FGD5: variants seen among roughly 807,000 people sequenced by gnomAD.
The protein encoded by FGD5 is FYVE, RhoGEF and PH domain containing 5, also known as FYVE, RhoGEF and PH domain-containing protein 5.
A neutral mutation model predicts 133.4 loss-of-function variants in FGD5; 28 were observed. The ratio of observed to expected loss-of-function variants is 0.21; its 90% CI spans 0.16 to 0.29. The LOEUF (loss-of-function observed/expected upper bound fraction) is 0.29, where lower values mean the gene tolerates loss of function less well. FGD5 is among the 10% of genes least tolerant of loss of function. FGD5 has a pLI of 1.00. For missense variants in FGD5, 1,858 were observed against 1,895.2 expected, an observed-to-expected ratio of 0.98 and a Z score of 0.36; for synonymous variants, 810 against 776.5, an observed-to-expected ratio of 1.04 and a Z score of -0.72.
rs1157563728 is a variant in FGD5, at chr3:14,926,679, TA to T, written c.4197+482del. ...CTATATTTTATAGAATATCTTACTT[TA>T]GGTGAGAGAGCCTTGGAAATCAAGC... On this transcript the variant is annotated intron_variant, in intron 18 of 19. Transcript: ENST00000285046. Among the ~76,000 whole-genome samples, 10 of 152,360 alleles carry T rather than the reference TA, an allele frequency of 6.6e-5. No homozygotes were observed. In the South Asian group the frequency reaches 1.9e-3, roughly 28 times the overall value.
chr3:14,820,979 C>G lies in FGD5; in HGVS notation c.1908C>G (p.Leu636=). Residue 636 remains leucine (L), a synonymous_variant, in exon 1 of 20, where the codon CTC becomes CTG. Coordinates refer to ENST00000285046, the MANE Select transcript of FGD5 (RefSeq NM_152536.4). The part of the protein sequence containing the change: ...KKPITKSSPS[L]LIESDSPDKY... ...CCATCACAAAGAGCTCTCCCTCACT[C>G]CTGATCGAGAGCGACTCCCCGGACA... 2 of 1,613,920 alleles carry G rather than the reference C, an allele frequency of 1.2e-6. No homozygotes were observed. Among genetic ancestry groups the G allele is most frequent in the Non-Finnish European group, 8.5e-7 (1 of 1,179,874 alleles).
chr3:14,830,766 C>T lies in FGD5; in HGVS notation c.2525+9170C>T, dbSNP rs1299885774. Reference sequence around the variant, plus strand: ...ATGGGGATGAGGCTGTCAGGCATAGCATGCAGCCAAAGAGGAGAGTTGTGT... The same window carrying T: ...ATGGGGATGAGGCTGTCAGGCATAGTATGCAGCCAAAGAGGAGAGTTGTGT... On this transcript the variant is annotated intron_variant, in intron 1 of 19. Coordinates refer to ENST00000285046, the MANE Select transcript of FGD5 (RefSeq NM_152536.4). Among the ~76,000 whole-genome samples, 6 of 152,160 alleles carry T rather than the reference C, an allele frequency of 3.9e-5. No individual in the cohort carries two copies. The East Asian group carries it at 7.7e-4, about 20-fold the overall frequency.
chr3:14,903,731 A>G (rs944221409), intron 9 of FGD5, among the ~76,000 whole-genome samples: 3 of 152,158 alleles, frequency 2.0e-5, no homozygotes, highest in Admixed American at 1.3e-4. Context: ...TTAGTATGCT[A>G]CATGTGTTAC....
upstream of FGD5, among the ~76,000 whole-genome samples, chr3:14,815,232 T>C (rs1284394402): frequency 6.6e-6 from 1 of 152,204 alleles, no homozygotes; most frequent in African/African-American, 2.4e-5. Context: ...CATCTGGCCT[T>C]GCCGGCCTCT....
At chr3:14,893,682 C>T (rs293926) in intron 4 of FGD5, among the ~76,000 whole-genome samples, 126,723 of 151,076 alleles carry the variant, frequency 0.84, 53,360 homozygotes, top group East Asian at 0.98. Context: ...AGTCCATTAT[C>T]GTAAACTATA....
intron 9 of FGD5, among the ~76,000 whole-genome samples, 190 bp from the exon 10 acceptor site, chr3:14,907,450 C>T (rs1219437475): frequency 6.6e-6 from 1 of 152,218 alleles, no homozygotes; most frequent in African/African-American, 2.4e-5. Flanking sequence ...GCACATAGAG[C>T]CATGGTGGTG....
chr3:14,923,663 C>T (rs1250073586), intron 16 of FGD5, among the ~76,000 whole-genome samples: 1 of 152,268 alleles, frequency 6.6e-6, no homozygotes, highest in Admixed American at 6.5e-5. Flanking sequence ...GGGTCAAGTT[C>T]CCAGGAAGGA....
In FGD5 at chr3:14,917,359, G is replaced by C; in HGVS notation, c.3489+27G>C. ...TAAATATCTGGTGCCAGGTACCCCC[G>C]GGTTGGGGGACAGGGAGACCCCAGG... On this transcript the variant is annotated intron_variant, in intron 12 of 19. Transcript: ENST00000285046. The surrounding 1 kb of genome is among the most constrained non-coding windows in gnomAD (Gnocchi z 4.1). 1.9e-6 allele frequency: 3 copies of C among 1,599,560 alleles called. No homozygotes were observed. The highest frequency in any genetic ancestry group is 1.7e-4 in the Middle Eastern group (1 of 5,982).
intron 13 of FGD5, 54 bp downstream of exon 13, chr3:14,918,887 A>C (rs2038616752): frequency 6.3e-7 from 1 of 1,586,538 alleles, no homozygotes; most frequent in African/African-American, 1.3e-5. Context: ...GAGCATGGGA[A>C]GGTTCAGAAC....
At chr3:14,833,125 GA>G (rs1176432204) in intron 1 of FGD5, among the ~76,000 whole-genome samples, 1 of 152,180 alleles carries the variant, frequency 6.6e-6, no homozygotes, top group African/African-American at 2.4e-5. Flanking sequence ...GGCAGCCACT[GA>G]GCCATGTGTC....
intron 2 of FGD5, among the ~76,000 whole-genome samples, chr3:14,865,224 C>T (rs985255729): frequency 7.7e-4 from 114 of 147,246 alleles, no homozygotes; most frequent in African/African-American, 2.8e-3. Context: ...GCACCTTTTT[C>T]GGCACCTGCC....
At chr3:14,869,552 C>T (rs1219923511) in intron 2 of FGD5, among the ~76,000 whole-genome samples, 1 of 152,156 alleles carries the variant, frequency 6.6e-6, no homozygotes, top group African/African-American at 2.4e-5. Context: ...GAGCTTTTTC[C>T]TCTTCCCAAA....
intron 19 of FGD5, 87 bp from the exon 20 acceptor site, chr3:14,933,044 T>A: frequency 7.0e-7 from 1 of 1,427,232 alleles, no homozygotes; most frequent in Non-Finnish European, 9.8e-7. Context: ...CTAAGAGGAA[T>A]CTACTAGTCC....
Position 14,897,616 on chromosome 3 carries a change from C to T in FGD5, c.2856C>T (p.Ile952=). The change falls in exon 5 of 20, where the codon ATC becomes ATT. Residue 952 remains isoleucine, a synonymous_variant. Coordinates refer to ENST00000285046, the MANE Select transcript of FGD5 (RefSeq NM_152536.4). ...LRQGLSELPA[I]HDLHQGILEE... is the part of the protein sequence containing the mutation. ...AGGGCCTGAGTGAACTCCCAGCCAT[C>T]CACGACCTTCATCAAGGCATCCTGG... The T allele has an allele frequency of 6.2e-7, 1 of 1,606,298 alleles. No homozygotes were observed. Among genetic ancestry groups the T allele is most frequent in the South Asian group, 1.1e-5 (1 of 89,124 alleles).
At chr3:14,828,820 C>CTTTTTT (rs59960841) in intron 1 of FGD5, among the ~76,000 whole-genome samples, 4 of 124,100 alleles carry the variant, frequency 3.2e-5, no homozygotes, top group Non-Finnish European at 6.8e-5. Context: ...AGGTGGGTCT[C>CTTTTTT]TTTTTTTTTT....
At position 14,880,590 on chromosome 3, in the gene FGD5, G is replaced by A; in HGVS notation, c.2677G>A (p.Ala893Thr). Residue 893 changes from alanine to threonine, a missense_variant, in exon 3 of 20, where the codon GCC becomes ACC. Ala to Thr is a moderately conservative substitution (Grantham distance 58). Coordinates refer to ENST00000285046, the MANE Select transcript of FGD5 (RefSeq NM_152536.4). ...CCCACAGGTGGAAGGACAGTCCAGAGCCCTTGTCATCGCACAGGAACTGCT... is the reference window on the plus strand; with the variant it reads ...CCCACAGGTGGAAGGACAGTCCAGAACCCTTGTCATCGCACAGGAACTGCT... ...VTHKVEGQSR[A>T]LVIAQELLSS... 1 of 1,613,950 alleles carries A rather than the reference G, an allele frequency of 6.2e-7. No homozygotes were observed. The highest frequency in any genetic ancestry group is 8.5e-7 in the Non-Finnish European group (1 of 1,179,880).
intron 1 of FGD5, among the ~76,000 whole-genome samples, chr3:14,823,439 C>A (rs549125255): frequency 6.6e-6 from 1 of 152,222 alleles, no homozygotes; most frequent in African/African-American, 2.4e-5. Context: ...ACTCATGGTT[C>A]TTCTCTCTCA....
At chr3:14,912,805 G>T (rs965395138) in intron 11 of FGD5, among the ~76,000 whole-genome samples, 6 of 152,140 alleles carry the variant, frequency 3.9e-5, no homozygotes, top group African/African-American at 1.4e-4. Flanking sequence ...GGGAGGCCGA[G>T]GCAGGCGGGT....
At chr3:14,901,997 ACG>A (rs1435117814) in intron 9 of FGD5, among the ~76,000 whole-genome samples, 1 of 152,118 alleles carries the variant, frequency 6.6e-6, no homozygotes, top group Non-Finnish European at 1.5e-5. Flanking sequence ...AAGAGATGAT[ACG>A]GGCCAGGTGT....
Sources: allele counts gnomAD v4.1 joint callset (sites outside exome capture counted in the v4.1 genomes callset), GRCh38; gene constraint gnomAD v4.1.1; non-coding constraint Gnocchi (gnomAD v3.1); transcripts MANE v1.5; gene names NCBI Gene and HGNC (gene_info 2026-07-23, HGNC 2026-07-21).